The following WDR70 variants were observed in gnomAD, a reference collection of about 807,000 sequenced individuals.
WDR70 encodes WD repeat-containing protein 70.
A neutral mutation model predicts 88.6 loss-of-function variants in WDR70; 53 were observed. The observed-to-expected ratio is 0.60, with a 90% confidence interval of 0.48 to 0.75. The LOEUF (loss-of-function observed/expected upper bound fraction) is 0.75. Ranked by LOEUF, WDR70 falls within the 30% of genes least tolerant of loss-of-function variation. The probability of loss-of-function intolerance (pLI) is 0.00; values close to 1 mark genes in which losing one functional copy is unlikely to be tolerated. For missense variants in WDR70, 610 were observed against 823.2 expected, an observed-to-expected ratio of 0.74 and a Z score of 3.17; for synonymous variants, 280 against 270.0, an observed-to-expected ratio of 1.04 and a Z score of -0.36.
At chr5:37,700,020 T>G (rs1465617466) in intron 11 of WDR70, among the ~76,000 whole-genome samples, 1 of 148,448 alleles carries the variant, frequency 6.7e-6, no homozygotes, top group Admixed American at 6.7e-5. Context: ...ATTCCAAAGG[T>G]GAGCCTTACA....
chr5:37,721,033 A>G lies in WDR70; in HGVS notation c.1417-82A>G. The G allele has an allele frequency of 6.2e-6, 7 of 1,133,604 alleles. No homozygotes were observed. The South Asian group carries it at 8.9e-5, about 14-fold the overall frequency. 70.2% of individuals were successfully genotyped at this position (1,133,604 alleles called of 1,614,324 possible). ...CCATCAGGATGATATTTGATATAGTAGACTAGCCATCAAAGTACCAGCAGG... is the reference window on the plus strand; with the variant it reads ...CCATCAGGATGATATTTGATATAGTGGACTAGCCATCAAAGTACCAGCAGG... On this transcript the variant is annotated intron_variant, in intron 13 of 17. Coordinates refer to ENST00000265107, the MANE Select transcript of WDR70 (RefSeq NM_018034.4).
chr5:37,585,769 A>G (rs59696230), intron 9 of WDR70, among the ~76,000 whole-genome samples: 71,233 of 152,010 alleles, frequency 0.47, 18,270 homozygotes, highest in Non-Finnish European at 0.58. Flanking sequence ...TGACTTTGGG[A>G]CACATTGCTT....
At chr5:37,505,544 G>A (rs1829292) in intron 8 of WDR70, 2 of 627,016 alleles carry the variant, frequency 3.2e-6, no homozygotes, top group Non-Finnish European at 5.8e-6. Context: ...CTTATGCACC[G>A]CTGAGAGCAA....
At chr5:37,715,300 C>G (rs1747622493) in intron 13 of WDR70, among the ~76,000 whole-genome samples, 1 of 129,312 alleles carries the variant, frequency 7.7e-6, no homozygotes, top group Non-Finnish European at 1.6e-5. Context: ...GAGAATTTTT[C>G]AGGATAGGGA....
chr5:37,554,749 G>T (rs1187642298), intron 9 of WDR70, among the ~76,000 whole-genome samples: 2 of 151,736 alleles, frequency 1.3e-5, no homozygotes, highest in African/African-American at 4.8e-5. Context: ...AGGCTGGAGC[G>T]CAGTGGTTAT....
At chr5:37,469,335 A>G (rs1341496103) in intron 7 of WDR70, among the ~76,000 whole-genome samples, 3 of 152,168 alleles carry the variant, frequency 2.0e-5, no homozygotes, top group South Asian at 4.1e-4. Flanking sequence ...AAAAAGAGCT[A>G]ATGGTCTTGC....
At chr5:37,601,684 G>T (rs572852341) in intron 9 of WDR70, among the ~76,000 whole-genome samples, 115 of 152,054 alleles carry the variant, frequency 7.6e-4, no homozygotes, top group Non-Finnish European at 1.3e-3. Flanking sequence ...TCTTATTACT[G>T]ATTCATTCTC....
intron 10 of WDR70, among the ~76,000 whole-genome samples, chr5:37,633,542 G>C (rs1312746702): frequency 1.3e-5 from 2 of 151,446 alleles, no homozygotes; most frequent in African/African-American, 4.9e-5. Context: ...TTAAACTTAG[G>C]AGGTTTGCCT....
chr5:37,749,440 T>G (rs1748734645), intron 17 of WDR70, among the ~76,000 whole-genome samples: 1 of 151,990 alleles, frequency 6.6e-6, no homozygotes, highest in African/African-American at 2.4e-5. Context: ...CAGGGCCTTT[T>G]GGACGTTGGG....
At chr5:37,523,944 G>A (rs1741178255) in intron 9 of WDR70, among the ~76,000 whole-genome samples, 1 of 152,176 alleles carries the variant, frequency 6.6e-6, no homozygotes. Context: ...AGAGTAAAAA[G>A]AAATGAACAA....
At chr5:37,635,892 T>C (rs1395574226) in intron 10 of WDR70, among the ~76,000 whole-genome samples, 4 of 152,084 alleles carry the variant, frequency 2.6e-5, no homozygotes, top group African/African-American at 4.8e-5. Flanking sequence ...GTGAGTGAAT[T>C]TTCACGAGAT....
chr5:37,422,556 C>A (rs1438280682), intron 5 of WDR70, among the ~76,000 whole-genome samples: 1 of 152,144 alleles, frequency 6.6e-6, no homozygotes, highest in Non-Finnish European at 1.5e-5. Flanking sequence ...CTGCTCCCTG[C>A]AACCTCCACC....
At chr5:37,584,366 T>A (rs1234372554) in intron 9 of WDR70, among the ~76,000 whole-genome samples, 1 of 152,226 alleles carries the variant, frequency 6.6e-6, no homozygotes, top group East Asian at 1.9e-4. Context: ...TAGATTAATT[T>A]GTTAGAGATA....
Position 37,746,987 on chromosome 5 carries a change from A to G in WDR70, c.1878-5499A>G, listed in dbSNP as rs147135425. Among the ~76,000 whole-genome samples, 12 of 152,358 alleles carry G rather than the reference A, an allele frequency of 7.9e-5. No individual in the cohort carries two copies. In the East Asian group the frequency reaches 2.3e-3, roughly 29 times the overall value. ...ACACAAAAAAGAAAACTTCAGGCCA[A>G]TGTCCCTGATGAACATTGATGCAAA... On this transcript the variant is annotated intron_variant, in intron 17 of 17. Transcript: ENST00000265107.
chr5:37,577,088 C>G (rs984502794), intron 9 of WDR70, among the ~76,000 whole-genome samples: 4 of 152,148 alleles, frequency 2.6e-5, no homozygotes, highest in Admixed American at 1.3e-4. Flanking sequence ...GGCACTTACT[C>G]TGTGTTATAT....
chr5:37,555,264 A>G (rs1742263431), intron 9 of WDR70, among the ~76,000 whole-genome samples: 1 of 152,212 alleles, frequency 6.6e-6, no homozygotes, highest in African/African-American at 2.4e-5. Context: ...ACACTTATTA[A>G]TGATGTTTAT....
At chr5:37,516,767 G>T (rs1740902679) in intron 9 of WDR70, among the ~76,000 whole-genome samples, 177 bp downstream of exon 9, 1 of 147,956 alleles carries the variant, frequency 6.8e-6, no homozygotes, top group African/African-American at 2.5e-5. Flanking sequence ...TGTTGCCCAG[G>T]CTGGAGTGCA....
At chr5:37,429,521 A>G (rs1167894772) in intron 5 of WDR70, among the ~76,000 whole-genome samples, 2 of 152,156 alleles carry the variant, frequency 1.3e-5, no homozygotes, top group East Asian at 1.9e-4. Flanking sequence ...TGTATGGTGT[A>G]AGGAAAGGAT....
chr5:37,588,798 C>A (rs551216365), intron 9 of WDR70, among the ~76,000 whole-genome samples: 5 of 151,976 alleles, frequency 3.3e-5, no homozygotes, highest in African/African-American at 1.2e-4. Context: ...GAGTCTTGTT[C>A]TGTCACCCAG....
Sources: gnomAD v4.1 joint callset for allele counts (sites outside exome capture counted in the v4.1 genomes callset) on GRCh38, gnomAD v4.1.1 for gene constraint, MANE v1.5 for transcripts, NCBI Gene and HGNC (gene_info 2026-07-23, HGNC 2026-07-21) for gene names.